The following DIAPH2 variants were observed in gnomAD, a reference collection of about 807,000 sequenced individuals.
DIAPH2 encodes the protein diaphanous related formin 2.
In DIAPH2, 35 loss-of-function variants were observed where a neutral mutation model predicts 92.7. The ratio of observed to expected loss-of-function variants is 0.38; its 90% CI spans 0.29 to 0.50. The LOEUF (loss-of-function observed/expected upper bound fraction) is 0.50, where lower values mean the gene tolerates loss of function less well. DIAPH2 is among the 20% of genes least tolerant of loss of function. The pLI is 0.94. For synonymous variants in DIAPH2, 301 were observed against 280.4 expected (o/e 1.07, Z -0.73); for missense variants, 701 against 819.5 (o/e 0.86, Z 1.77).
At chrX:96,923,340 G>C (rs1284362729) in intron 9 of DIAPH2, among the ~76,000 whole-genome samples, 1 of 112,017 alleles carries the variant, frequency 8.9e-6, no homozygotes, top group Non-Finnish European at 1.9e-5. Context: ...AAACAGAGCT[G>C]TAAATATGCC....
chrX:96,864,817 G>C (rs2065094469), intron 4 of DIAPH2, among the ~76,000 whole-genome samples: 1 of 112,038 alleles, frequency 8.9e-6, no homozygotes, highest in Non-Finnish European at 1.9e-5. Flanking sequence ...GTAGAAATCA[G>C]ATGCCCTAGG....
intron 16 of DIAPH2, among the ~76,000 whole-genome samples, chrX:96,962,484 C>CATAT (rs1254780792): frequency 5.9e-5 from 1 of 16,815 alleles, no homozygotes; most frequent in African/African-American, 1.6e-4. Context: ...TATATACACA[C>CATAT]ACACACACAC....
At chrX:97,153,348 C>T (rs1485373507) in intron 22 of DIAPH2, among the ~76,000 whole-genome samples, 8 of 110,724 alleles carry the variant, frequency 7.2e-5, no homozygotes, top group Admixed American at 3.9e-4. Context: ...TTTGGGAGGC[C>T]GAGGCGGGTG....
At chrX:96,832,986 T>G (rs190145279) in intron 4 of DIAPH2, among the ~76,000 whole-genome samples, 8 of 111,942 alleles carry the variant, frequency 7.1e-5, no homozygotes, top group Non-Finnish European at 1.3e-4. Context: ...CACTTCTGTT[T>G]TAGATTTTTG....
intron 26 of DIAPH2, among the ~76,000 whole-genome samples, chrX:97,454,488 G>A (rs74896509): frequency 9.0e-6 from 1 of 111,678 alleles, no homozygotes; most frequent in African/African-American, 3.3e-5. Flanking sequence ...TGGTATATGA[G>A]TGATTTGTAC....
At chrX:96,986,853 G>A (rs2066035355) in intron 17 of DIAPH2, among the ~76,000 whole-genome samples, 1 of 111,195 alleles carries the variant, frequency 9.0e-6, no homozygotes, top group Non-Finnish European at 1.9e-5. Context: ...CCAGCTATGC[G>A]TTAAATAAAC....
intron 22 of DIAPH2, among the ~76,000 whole-genome samples, chrX:97,223,806 G>A (rs1460587994): frequency 8.9e-6 from 1 of 111,753 alleles, no homozygotes; most frequent in Non-Finnish European, 1.9e-5. Flanking sequence ...ATGAATAGAA[G>A]AATCTTTGTA....
chrX:96,859,803 G>A (rs938083833), intron 4 of DIAPH2, among the ~76,000 whole-genome samples: 2 of 109,496 alleles, frequency 1.8e-5, no homozygotes, highest in Non-Finnish European at 3.8e-5. Flanking sequence ...CACCACGCCC[G>A]GCTAATTTTT....
At chrX:97,596,621 A>G (rs1440519258) in intron 26 of DIAPH2, among the ~76,000 whole-genome samples, 1 of 111,671 alleles carries the variant, frequency 9.0e-6, no homozygotes, top group Non-Finnish European at 1.9e-5. Context: ...AAGAGGACAT[A>G]CAATCATGGC....
At chrX:96,879,151 A>G (rs989974609) in intron 4 of DIAPH2, among the ~76,000 whole-genome samples, 13 of 111,977 alleles carry the variant, frequency 1.2e-4, no homozygotes, top group Admixed American at 9.5e-4. Flanking sequence ...AAACAACTAA[A>G]TTACAAAAAT....
intron 4 of DIAPH2, among the ~76,000 whole-genome samples, chrX:96,811,544 C>G (rs1197945369): frequency 3.6e-5 from 4 of 111,752 alleles, no homozygotes; most frequent in East Asian, 2.8e-4. Flanking sequence ...CTGGCCAGAA[C>G]TTCCAACACT....
intron 4 of DIAPH2, among the ~76,000 whole-genome samples, chrX:96,830,434 G>A (rs1344036805): frequency 9.2e-6 from 1 of 108,238 alleles, no homozygotes; most frequent in African/African-American, 3.4e-5. Flanking sequence ...AGCCGGGCAT[G>A]GTGGCGGGTG....
chrX:97,247,844 C>T lies in DIAPH2; in HGVS notation c.2844+5C>T. 1 of 1,203,640 alleles carries T rather than the reference C, an allele frequency of 8.3e-7. No individual in the cohort carries two copies. The highest frequency in any genetic ancestry group is 1.1e-6 in the Non-Finnish European group (1 of 890,823). ...AAGTTTGTGGAAAAGATGACCATAT[C>T]CTTTATTTATTTAAGCATTTTGTCT... is the stretch of plus-strand genomic sequence containing the variant. On this transcript the variant is annotated splice_donor_5th_base_variant and intron_variant, in intron 23 of 26. Coordinates refer to ENST00000324765, the MANE Select transcript of DIAPH2 (RefSeq NM_006729.5).
At chrX:96,763,363 T>G (rs767464804) in intron 4 of DIAPH2, among the ~76,000 whole-genome samples, 1 of 111,753 alleles carries the variant, frequency 8.9e-6, no homozygotes, top group East Asian at 2.8e-4. Context: ...TTCACCTTTT[T>G]TTTTGTTTTT....
chrX:96,733,374 A>C (rs1435178665), intron 1 of DIAPH2, among the ~76,000 whole-genome samples: 1 of 111,075 alleles, frequency 9.0e-6, no homozygotes, highest in Non-Finnish European at 1.9e-5. Context: ...TGGGCCATGG[A>C]GAAAGAGCAT....
intron 22 of DIAPH2, among the ~76,000 whole-genome samples, chrX:97,213,658 T>C (rs1825464313): frequency 8.9e-6 from 1 of 112,339 alleles, no homozygotes; most frequent in South Asian, 3.7e-4. Context: ...TGAATGTACT[T>C]AAGCAATATA....
At chrX:97,408,041 A>G (rs2069828363) in intron 25 of DIAPH2, among the ~76,000 whole-genome samples, 1 of 111,906 alleles carries the variant, frequency 8.9e-6, no homozygotes, top group Non-Finnish European at 1.9e-5. Flanking sequence ...ATATAATTAT[A>G]TCTCTGAGGT....
chrX:97,187,961 T>C, intron 22 of DIAPH2, among the ~76,000 whole-genome samples: 1 of 111,578 alleles, frequency 9.0e-6, no homozygotes, highest in Non-Finnish European at 1.9e-5. Context: ...AAGGTGAAAA[T>C]GATGGGTTTA....
intron 26 of DIAPH2, among the ~76,000 whole-genome samples, chrX:97,457,411 C>T (rs1231795752): frequency 8.9e-6 from 1 of 112,640 alleles, no homozygotes; most frequent in Non-Finnish European, 1.9e-5. Flanking sequence ...ATGGAATCCC[C>T]CTTGTGTTAA....
Sources: allele counts gnomAD v4.1 joint callset (sites outside exome capture counted in the v4.1 genomes callset), GRCh38; gene constraint gnomAD v4.1.1; transcripts MANE v1.5; gene names NCBI Gene and HGNC (gene_info 2026-07-23, HGNC 2026-07-21).